Variants in THBS3 observed in about 807,000 individuals in gnomAD.
THBS3 encodes the protein thrombospondin-3.
A neutral mutation model predicts 118.3 loss-of-function variants in THBS3; 78 were observed. The ratio of observed to expected loss-of-function variants is 0.66; its 90% CI spans 0.55 to 0.80. The LOEUF is 0.80. Among genes scored for constraint, THBS3 ranks in the 30% least tolerant of loss-of-function variants. The pLI is 0.00. For missense variants in THBS3, 1,057 were observed against 1,247.4 expected (o/e 0.85, Z 2.30); for synonymous variants, 427 against 475.3 (o/e 0.90, Z 1.32).
In THBS3 at chr1:155,197,781, G is replaced by T; in HGVS notation, c.2302+99C>A. 1 of 1,592,996 alleles carries T rather than the reference G, an allele frequency of 6.3e-7. No homozygotes were observed. ...AGCTTGTGCCACTGCCTTCTCTCTC[G>T]CCACTTTGCCCATTCTCCCTGTCTG... On this transcript the variant is annotated intron_variant, in intron 19 of 22. Coordinates refer to ENST00000368378, the MANE Select transcript of THBS3 (RefSeq NM_007112.5). The surrounding 1 kb of genome is among the most constrained non-coding windows in gnomAD (Gnocchi z 5.0).
At chr1:155,208,248 G>C (rs970038001), upstream of THBS3, among the ~76,000 whole-genome samples, 1 of 152,226 alleles carries the variant, frequency 6.6e-6, no homozygotes, top group Non-Finnish European at 1.5e-5. Flanking sequence ...GTGCTAGACA[G>C]TGGGCATTAT....
In THBS3 at chr1:155,206,238, C is replaced by T. The variant is rs770481282; in HGVS notation, c.248G>A (p.Arg83Gln). 2.8e-5 allele frequency: 45 copies of T among 1,614,010 alleles called. No individual in the cohort carries two copies. Among genetic ancestry groups the T allele is most frequent in the Non-Finnish European group, 3.5e-5 (41 of 1,180,032 alleles). Residue 83 changes from arginine (R) to glutamine (Q), a missense_variant, in exon 2 of 23, where the codon CGA becomes CAA. Coordinates refer to ENST00000368378, the MANE Select transcript of THBS3 (RefSeq NM_007112.5). This position sits in a 1 kb window ranked among gnomAD's most constrained non-coding sequence, Gnocchi z 4.2. ...FGLYSRQDNT[R>Q]WLEASVVGKI... ...GCCTACAACAGAGGCCTCCAGCCATCGAGTGTTGTCTTGGCGAGAATAGAG... is the reference window on the plus strand; with the variant it reads ...GCCTACAACAGAGGCCTCCAGCCATTGAGTGTTGTCTTGGCGAGAATAGAG...
At position 155,206,443 on chromosome 1, in the gene THBS3, A is replaced by G. The variant is rs1401352781; in HGVS notation, c.80-37T>C. 2.5e-6 allele frequency: 4 copies of G among 1,595,700 alleles called. No homozygotes were observed. Among genetic ancestry groups the G allele is most frequent in the Non-Finnish European group, 3.4e-6 (4 of 1,165,758 alleles). On this transcript the variant is annotated intron_variant, in intron 1 of 22. Coordinates refer to ENST00000368378, the MANE Select transcript of THBS3 (RefSeq NM_007112.5). The surrounding 1 kb of genome is among the most constrained non-coding windows in gnomAD (Gnocchi z 4.2). The stretch of plus-strand genomic sequence containing the variant: ...GGGGTTATCAAGGTTAGAGAATGGG[A>G]TCAAATGCTAAGGTATGCCCTCCCC...
intron 1 of THBS3, among the ~76,000 whole-genome samples, chr1:155,207,340 C>G (rs986344235): frequency 1.3e-5 from 2 of 152,234 alleles, no homozygotes; most frequent in Non-Finnish European, 2.9e-5. Context: ...CTCCAGCTAC[C>G]TCTCCCACAT....
chr1:155,197,623 G>T lies in THBS3; in HGVS notation c.2339C>A (p.Thr780Asn), dbSNP rs1205222738. ...ATCAGTCACTGTGTTCACATGGAAG[G>T]TGCCTTCAAAGTCCACACCATTGAA... ...TAFNGVDFEGTFHVNTVTDDD... is the reference protein window; with the variant it reads ...TAFNGVDFEGNFHVNTVTDDD... Residue 780 changes from threonine (T) to asparagine (N), a missense_variant, in exon 20 of 23, where the codon ACC becomes AAC. Coordinates refer to ENST00000368378, the MANE Select transcript of THBS3 (RefSeq NM_007112.5). This position sits in a 1 kb window ranked among gnomAD's most constrained non-coding sequence, Gnocchi z 5.0. 2.5e-6 allele frequency: 4 copies of T among 1,612,122 alleles called. No homozygotes were observed. Among genetic ancestry groups the T allele is most frequent in the Non-Finnish European group, 3.4e-6 (4 of 1,178,956 alleles).
chr1:155,208,564 G>A, upstream of THBS3: 1 of 480,422 alleles, frequency 2.1e-6, no homozygotes, highest in East Asian at 3.3e-5. Flanking sequence ...AGGGGTACAG[G>A]CGAGGAGCCA....
chr1:155,209,020 G>C (rs779123272), upstream of THBS3: 1 of 1,576,376 alleles, frequency 6.3e-7, no homozygotes, highest in Non-Finnish European at 8.6e-7. Flanking sequence ...CGACAGCGCT[G>C]TCCCGCTACG....
Position 155,204,907 on chromosome 1 carries a change from T to C in THBS3, c.594A>G (p.Val198=), listed in dbSNP as rs1475256731. Residue 198 remains valine, a synonymous_variant, in exon 4 of 23, where the codon GTA becomes GTG. Transcript: ENST00000368378. ...KIILGGSMAR[V]GALSECPFQG... ...GGAATGGACACTCACTCAGGGCTCC[T>C]ACCCGGGCCATGGACCCACCCAGAA... The C allele has an allele frequency of 1.2e-6, 2 of 1,613,988 alleles. No individual in the cohort carries two copies. The highest frequency in any genetic ancestry group is 2.2e-5 in the East Asian group (1 of 44,884).
chr1:155,199,693 T>G, intron 16 of THBS3, 111 bp downstream of exon 16: 1 of 1,111,854 alleles, frequency 9.0e-7, no homozygotes, highest in South Asian at 1.4e-5. Context: ...AGACGGAGGT[T>G]GCAGTGAGCC....
intron 6 of THBS3, 25 bp from the exon 7 acceptor site, chr1:155,203,162 G>A: frequency 6.2e-7 from 1 of 1,614,208 alleles, no homozygotes; most frequent in Non-Finnish European, 8.5e-7. Context: ...GGAGGAGTCA[G>A]CACTTGACAT....
intron 10 of THBS3, 104 bp downstream of exon 10, chr1:155,201,853 T>TG (rs1557867515): frequency 6.6e-7 from 1 of 1,526,148 alleles, no homozygotes; most frequent in African/African-American, 1.4e-5. Flanking sequence ...TGTAGTGCCC[T>TG]GGGGAGGAGG....
intron 2 of THBS3, 40 bp from the exon 3 acceptor site, chr1:155,205,356 C>T: frequency 1.9e-6 from 3 of 1,593,778 alleles, no homozygotes; most frequent in Non-Finnish European, 1.7e-6. Context: ...CTATCCCCCA[C>T]CCCCTGCCTC....
chr1:155,203,265 G>A lies in THBS3; in HGVS notation c.714C>T (p.Phe238=), dbSNP rs1167164342. The change falls in exon 6 of 23, where the codon TTC becomes TTT. Residue 238 remains phenylalanine, a synonymous_variant. Transcript: ENST00000368378. ...CCCGCAGCTCCACCAGGATCTGGTT[G>A]AAGAGGGTGAGTTGGGTGACCAGCG... ...TKALVTQLTL[F]NQILVELRDD... is the part of the protein sequence containing the mutation. 9.9e-6 allele frequency: 16 copies of A among 1,614,164 alleles called. No homozygotes were observed. Among genetic ancestry groups the A allele is most frequent in the Admixed American group, 3.3e-5 (2 of 60,028 alleles).
chr1:155,208,964 G>C, upstream of THBS3: 1 of 1,608,074 alleles, frequency 6.2e-7, no homozygotes, highest in Non-Finnish European at 8.5e-7. Flanking sequence ...AGGGGTTCGG[G>C]GCTCCACTTG....
rs1670554085 is a variant in THBS3, at chr1:155,206,468, C to T, written c.80-62G>A. ...ATCAAATGCTAAGGTATGCCCTCCC[C>T]CGAGCCCACATCACCCCCTACCCCC... On this transcript the variant is annotated intron_variant, in intron 1 of 22. Transcript: ENST00000368378. This position sits in a 1 kb window ranked among gnomAD's most constrained non-coding sequence, Gnocchi z 4.2. 2 of 1,461,738 alleles carry T rather than the reference C, an allele frequency of 1.4e-6. No homozygotes were observed. Among genetic ancestry groups the T allele is most frequent in the African/African-American group, 2.8e-5 (2 of 71,800 alleles). The allele number at this position is 1,461,738 out of a possible 1,614,324, so 90.5% of individuals were successfully genotyped here. A position where few individuals can be genotyped will look rare whatever the true frequency, so the allele number is the denominator to read the frequency against.
upstream of THBS3, chr1:155,208,821 C>A (rs770105309): frequency 3.2e-6 from 5 of 1,565,630 alleles, no homozygotes; most frequent in East Asian, 2.3e-5. Flanking sequence ...CTCGGGGGAC[C>A]CCCCCGCAGT....
Position 155,201,571 on chromosome 1 carries a change from T to A in THBS3, c.1177-2A>T. On this transcript the variant is annotated splice_acceptor_variant, in intron 10 of 22. Transcript: ENST00000368378. LOFTEE classifies it high-confidence loss of function. ...GCAGGGACCACACTTGAAAGAGCCCTAAGAGTGGAGAGGCAGCATCTTAGG... is the reference window on the plus strand; with the variant it reads ...GCAGGGACCACACTTGAAAGAGCCCAAAGAGTGGAGAGGCAGCATCTTAGG... 6.2e-7 allele frequency: 1 copy of A among 1,613,410 alleles called. No individual in the cohort carries two copies. Among genetic ancestry groups the A allele is most frequent in the Non-Finnish European group, 8.5e-7 (1 of 1,179,696 alleles).
rs769543242 is a variant in THBS3 at position 155,201,453 on chromosome 1, G to A, written c.1293C>T (p.His431=). Residue 431 remains histidine, a synonymous_variant, in exon 11 of 23, where the codon CAC becomes CAT. Transcript: ENST00000368378. ...PAHSPCHIHA[H]CLFERNGAVS... ...CTGCACCATTGCGTTCAAAGAGACA[G>A]TGAGCATGGATGTGGCAGGGGCTGT... The A allele has an allele frequency of 5.6e-6, 9 of 1,612,732 alleles. No homozygotes were observed. The highest frequency in any genetic ancestry group is 1.3e-5 in the African/African-American group (1 of 74,916).
upstream of THBS3, chr1:155,208,730 G>A: frequency 3.2e-6 from 2 of 617,302 alleles, no homozygotes; most frequent in Non-Finnish European, 4.6e-6. Flanking sequence ...TCCGGCCGCC[G>A]CCACCGCCCC....
Sources: gnomAD v4.1 joint callset for allele counts (sites outside exome capture counted in the v4.1 genomes callset) on GRCh38, gnomAD v4.1.1 for gene constraint, Gnocchi (gnomAD v3.1) non-coding constraint, MANE v1.5 for transcripts, NCBI Gene and HGNC (gene_info 2026-07-23, HGNC 2026-07-21) for gene names.